BORCS5: variants seen among roughly 807,000 people sequenced by gnomAD.
The protein encoded by BORCS5 is BLOC-1-related complex subunit 5.
In BORCS5, 17 loss-of-function variants were observed where a neutral mutation model predicts 22.1. That is an observed-to-expected ratio of 0.77 (90% CI 0.53 to 1.15). BORCS5 has a LOEUF of 1.15. Among genes scored for constraint, BORCS5 ranks in the 50% most tolerant of loss-of-function variants. The probability of loss-of-function intolerance (pLI) is 0.00; values close to 1 mark genes in which losing one functional copy is unlikely to be tolerated. For missense variants in BORCS5, 247 were observed against 253.2 expected (o/e 0.98, Z 0.17); for synonymous variants, 117 against 99.8 (o/e 1.17, Z -1.03).
chr12:12,395,222 A>G (rs569785261), intron 2 of BORCS5, among the ~76,000 whole-genome samples: 1 of 147,886 alleles, frequency 6.8e-6, no homozygotes, highest in African/African-American at 2.7e-5. Context: ...CTCTGTGACC[A>G]AAGAGAAGGC....
At chr12:12,413,399 A>G (rs1473165441) in intron 2 of BORCS5, among the ~76,000 whole-genome samples, 1 of 144,028 alleles carries the variant, frequency 6.9e-6, no homozygotes, top group African/African-American at 2.6e-5. Context: ...GGTTGGGGAT[A>G]AGGTCACAGA....
intron 2 of BORCS5, among the ~76,000 whole-genome samples, chr12:12,372,637 C>A (rs987733340): frequency 1.3e-5 from 2 of 152,078 alleles, no homozygotes; most frequent in African/African-American, 4.8e-5. Flanking sequence ...TCATCTAGTG[C>A]AGTCTTTGCC....
chr12:12,398,284 AT>A (rs151209120), intron 2 of BORCS5, among the ~76,000 whole-genome samples: 6 of 151,346 alleles, frequency 4.0e-5, no homozygotes, highest in East Asian at 1.9e-4. Flanking sequence ...ACTCTTTAAA[AT>A]TTTTTTTTTC....
chr12:12,398,489 GT>G (rs1941399746), intron 2 of BORCS5, among the ~76,000 whole-genome samples: 1 of 152,140 alleles, frequency 6.6e-6, no homozygotes, highest in African/African-American at 2.4e-5. Flanking sequence ...GGGGAGAGAT[GT>G]TTACCATGTC....
chr12:12,371,372 A>G (rs536620510), intron 2 of BORCS5, among the ~76,000 whole-genome samples: 1 of 152,244 alleles, frequency 6.6e-6, no homozygotes, highest in South Asian at 2.1e-4. Flanking sequence ...GGCTCACTGC[A>G]GCTTTGACCT....
intron 2 of BORCS5, among the ~76,000 whole-genome samples, chr12:12,428,899 G>C (rs1024433519): frequency 3.3e-5 from 5 of 152,112 alleles, no homozygotes; most frequent in Non-Finnish European, 4.4e-5. Context: ...AAAATCCTAA[G>C]TGTAAAAAAC....
chr12:12,407,780 A>C (rs1455049926), intron 2 of BORCS5, among the ~76,000 whole-genome samples: 1 of 146,926 alleles, frequency 6.8e-6, no homozygotes, highest in Non-Finnish European at 1.5e-5. Flanking sequence ...ATCTTGGCTC[A>C]CTGCGACCTC....
chr12:12,369,566 C>T (rs1168423031), intron 2 of BORCS5, among the ~76,000 whole-genome samples: 1 of 151,722 alleles, frequency 6.6e-6, no homozygotes, highest in East Asian at 1.9e-4. Flanking sequence ...TTAAGTTATA[C>T]TCCTTTGCAT....
intron 2 of BORCS5, among the ~76,000 whole-genome samples, chr12:12,371,758 C>A (rs954364477): frequency 2.0e-5 from 3 of 152,150 alleles, no homozygotes; most frequent in Non-Finnish European, 4.4e-5. Flanking sequence ...GATGTTAGAC[C>A]GCTTGATATT....
chr12:12,435,800 G>GA lies in BORCS5; in HGVS notation c.360+19dup. On this transcript the variant is annotated intron_variant, in intron 3 of 3. Transcript: ENST00000314565. ...GAATCAAAGAGGTAATGTGCTGCGGGAAAATAACATTGCTGACTGGTTGTT... is the reference window on the plus strand; with the variant it reads ...GAATCAAAGAGGTAATGTGCTGCGGGAAAAATAACATTGCTGACTGGTTGTT... 2 of 1,603,496 alleles carry GA rather than the reference G, an allele frequency of 1.2e-6. No individual in the cohort carries two copies. Among genetic ancestry groups the GA allele is most frequent in the East Asian group, 2.2e-5 (1 of 44,476 alleles).
At chr12:12,363,606 G>C (rs61258215) in intron 2 of BORCS5, among the ~76,000 whole-genome samples, 2 of 152,040 alleles carry the variant, frequency 1.3e-5, no homozygotes, top group African/African-American at 4.8e-5. Context: ...GTGTGGTGGC[G>C]GGTGCCTGTA....
At chr12:12,419,933 T>C (rs1225245460) in intron 2 of BORCS5, among the ~76,000 whole-genome samples, 1 of 152,238 alleles carries the variant, frequency 6.6e-6, no homozygotes, top group African/African-American at 2.4e-5. Flanking sequence ...TCTTTGTAGA[T>C]TTTGGACATT....
chr12:12,463,847 A>G (rs1337867075), intron 3 of BORCS5, among the ~76,000 whole-genome samples: 1 of 152,140 alleles, frequency 6.6e-6, no homozygotes, highest in Non-Finnish European at 1.5e-5. Flanking sequence ...TTTAGACTTG[A>G]TAAGTTAGAG....
At chr12:12,416,891 C>T (rs1391894674) in intron 2 of BORCS5, among the ~76,000 whole-genome samples, 1 of 149,910 alleles carries the variant, frequency 6.7e-6, no homozygotes, top group Non-Finnish European at 1.5e-5. Flanking sequence ...AAGCAATTCT[C>T]CTGCCTCAGC....
At chr12:12,415,570 A>AGGGGGAAGGGGAGGGGGAG (rs1565887928) in intron 2 of BORCS5, among the ~76,000 whole-genome samples, 2 of 13,238 alleles carry the variant, frequency 1.5e-4, no homozygotes, top group African/African-American at 3.3e-4. Flanking sequence ...GGGGAGGGGG[A>AGGGGGAAGGGGAGGGGGAG]GGGGGAGGGG....
chr12:12,423,466 T>TC (rs1242035769), intron 2 of BORCS5, among the ~76,000 whole-genome samples: 15 of 142,574 alleles, frequency 1.1e-4, no homozygotes, highest in Admixed American at 2.1e-4. Context: ...TTTTTTTTTT[T>TC]CCTGACTGAT....
At chr12:12,441,720 A>T (rs1327358280) in intron 3 of BORCS5, among the ~76,000 whole-genome samples, 39 of 147,718 alleles carry the variant, frequency 2.6e-4, no homozygotes, top group African/African-American at 7.1e-4. Context: ...CAAAAAAAAA[A>T]TTTTTTTTTT....
At chr12:12,401,183 T>G (rs1173016985) in intron 2 of BORCS5, among the ~76,000 whole-genome samples, 23 of 152,212 alleles carry the variant, frequency 1.5e-4, no homozygotes, top group Admixed American at 1.5e-3. Flanking sequence ...AGGAACAAAT[T>G]GCTGTCTAGT....
rs1026678378 is a variant in BORCS5 at position 12,368,775 on chromosome 12, T to A, written c.202+7426T>A. ...AACTCCTTGTTCTGTTTGTCCATCA[T>A]CTTGCTCTGTTTGTCTATACAGTCG... is the stretch of plus-strand genomic sequence containing the variant. On this transcript the variant is annotated intron_variant, in intron 2 of 3. Coordinates refer to ENST00000314565, the MANE Select transcript of BORCS5 (RefSeq NM_058169.6). Among the ~76,000 whole-genome samples the A allele has an allele frequency of 2.6e-5, 4 of 152,164 alleles. No homozygotes were observed. The East Asian group carries it at 7.7e-4, about 29-fold the overall frequency.
Sources: gnomAD v4.1 joint callset for allele counts (sites outside exome capture counted in the v4.1 genomes callset) on GRCh38, gnomAD v4.1.1 for gene constraint, MANE v1.5 for transcripts, NCBI Gene and HGNC (gene_info 2026-07-23, HGNC 2026-07-21) for gene names.